The following SORCS2 variants were observed in gnomAD, a reference collection of about 807,000 sequenced individuals.
SORCS2 encodes the protein VPS10 domain-containing receptor SorCS2.
A neutral mutation model predicts 141.6 loss-of-function variants in SORCS2; 100 were observed. The ratio of observed to expected loss-of-function variants is 0.71; its 90% CI spans 0.60 to 0.83. The LOEUF (loss-of-function observed/expected upper bound fraction) is 0.83, where lower values mean the gene tolerates loss of function less well. Ranked by LOEUF, SORCS2 falls within the 40% of genes least tolerant of loss-of-function variation. The pLI is 0.00. For synonymous variants in SORCS2, 789 were observed against 676.9 expected, an observed-to-expected ratio of 1.17 and a Z score of -2.57; for missense variants, 1,646 against 1,560.2, an observed-to-expected ratio of 1.05 and a Z score of -0.93.
Position 7,664,603 on chromosome 4 carries a change from G to T in SORCS2, c.1071+132G>T. 1.5e-6 allele frequency: 1 copy of T among 659,940 alleles called. No individual in the cohort carries two copies. 40.9% of individuals were successfully genotyped at this position (659,940 alleles called of 1,614,324 possible). A position where few individuals can be genotyped will look rare whatever the true frequency, so the allele number is the denominator to read the frequency against. On this transcript the variant is annotated intron_variant, in intron 7 of 26. Transcript: ENST00000507866. This position sits in a 1 kb window ranked among gnomAD's most constrained non-coding sequence, Gnocchi z 4.7. ...TTTCACTCTCAAATGCTACTTCGCAGGTCACGGTTTCTGACCGTGGCTGTG... is the reference window on the plus strand; with the variant it reads ...TTTCACTCTCAAATGCTACTTCGCATGTCACGGTTTCTGACCGTGGCTGTG...
At chr4:7,529,518 A>G (rs956305903) in intron 2 of SORCS2, among the ~76,000 whole-genome samples, 5 of 152,004 alleles carry the variant, frequency 3.3e-5, no homozygotes, top group African/African-American at 1.2e-4. Flanking sequence ...CAGGGCGGGG[A>G]GCAGGACTGA....
chr4:7,476,253 A>T (rs1388189621), intron 2 of SORCS2, among the ~76,000 whole-genome samples: 1 of 152,208 alleles, frequency 6.6e-6, no homozygotes, highest in Non-Finnish European at 1.5e-5. Flanking sequence ...ACATAGACAC[A>T]GATTGATACA....
intron 11 of SORCS2, among the ~76,000 whole-genome samples, chr4:7,690,925 G>A (rs535243674): frequency 6.6e-6 from 1 of 152,302 alleles, no homozygotes; most frequent in Admixed American, 6.5e-5. Flanking sequence ...ACCATAAAAT[G>A]AGGTTGATTT....
intron 3 of SORCS2, among the ~76,000 whole-genome samples, chr4:7,556,283 A>G (rs905893363): frequency 2.0e-5 from 3 of 152,048 alleles, no homozygotes; most frequent in Non-Finnish European, 4.4e-5. Context: ...GAGGACCCAT[A>G]ATGAGTTTCC....
chr4:7,538,187 C>T (rs1282585974), intron 3 of SORCS2, among the ~76,000 whole-genome samples: 1 of 152,232 alleles, frequency 6.6e-6, no homozygotes, highest in African/African-American at 2.4e-5. Flanking sequence ...GCAACAATTA[C>T]AGGCCGAGCA....
intron 1 of SORCS2, among the ~76,000 whole-genome samples, chr4:7,387,994 G>A (rs1291072895): frequency 4.3e-5 from 3 of 69,728 alleles, no homozygotes; most frequent in African/African-American, 1.4e-4. Context: ...ATGCACACAT[G>A]CACACACATG....
At chr4:7,486,689 G>A (rs1731010154) in intron 2 of SORCS2, among the ~76,000 whole-genome samples, 2 of 152,140 alleles carry the variant, frequency 1.3e-5, no homozygotes, top group South Asian at 4.1e-4. Context: ...GCTCCCCCTG[G>A]AGCCTCCAAA....
chr4:7,200,059 C>T (rs1727404509), intron 1 of SORCS2, among the ~76,000 whole-genome samples: 2 of 152,148 alleles, frequency 1.3e-5, no homozygotes, highest in African/African-American at 4.8e-5. Context: ...GCCCCGCGTG[C>T]AGGGCAGCAG....
At chr4:7,605,756 C>T (rs1005086295) in intron 3 of SORCS2, among the ~76,000 whole-genome samples, 1 of 152,098 alleles carries the variant, frequency 6.6e-6, no homozygotes, top group Admixed American at 6.6e-5. Context: ...CCCACACATT[C>T]ATCACATACC....
At chr4:7,693,672 A>G (rs1341056716) in intron 11 of SORCS2, among the ~76,000 whole-genome samples, 1 of 152,224 alleles carries the variant, frequency 6.6e-6, no homozygotes, top group South Asian at 2.1e-4. Context: ...TTTAGCCAAG[A>G]AAAGCTTGAG....
intron 1 of SORCS2, among the ~76,000 whole-genome samples, chr4:7,278,009 G>T (rs1288098773): frequency 3.3e-5 from 5 of 152,146 alleles, no homozygotes; most frequent in African/African-American, 1.2e-4. Context: ...ATTGGTAGTG[G>T]GCCTGATCAT....
At chr4:7,430,727 T>C (rs1242930451) in intron 2 of SORCS2, 1 of 152,284 alleles carries the variant, frequency 6.6e-6, no homozygotes, top group Admixed American at 6.5e-5. Context: ...TCTCCCAAAC[T>C]TCTAGGCCCA....
Position 7,434,213 on chromosome 4 carries a change from G to A in SORCS2, c.548+37858G>A, listed in dbSNP as rs918002611. 3 of 1,613,752 alleles carry A rather than the reference G, an allele frequency of 1.9e-6. No homozygotes were observed. The highest frequency in any genetic ancestry group is 2.2e-5 in the East Asian group (1 of 44,890). ...AACTGGAAGAGGTAGTTCTTGCAGA[G>A]GACGGCCAGGCCAGGCCCCAAGGAC... On this transcript the variant is annotated intron_variant, in intron 2 of 26. Coordinates refer to ENST00000507866, the MANE Select transcript of SORCS2 (RefSeq NM_020777.3).
intron 1 of SORCS2, among the ~76,000 whole-genome samples, chr4:7,289,958 T>G (rs1165558632): frequency 6.6e-6 from 1 of 152,126 alleles, no homozygotes; most frequent in Non-Finnish European, 1.5e-5. Context: ...AGAGTCCCCT[T>G]CCGATTGCCT....
intron 6 of SORCS2, among the ~76,000 whole-genome samples, chr4:7,661,994 T>A (rs1282685536): frequency 1.3e-5 from 2 of 152,114 alleles, no homozygotes; most frequent in Non-Finnish European, 2.9e-5. Context: ...AGAGACATCC[T>A]CTGTGCAGGA....
intron 3 of SORCS2, among the ~76,000 whole-genome samples, chr4:7,557,616 A>G (rs1027206392): frequency 3.9e-5 from 6 of 152,348 alleles, no homozygotes; most frequent in African/African-American, 9.6e-5. Context: ...TCATCCAATG[A>G]GTTTTTACCC....
intron 1 of SORCS2, among the ~76,000 whole-genome samples, chr4:7,261,167 T>A (rs531871350): frequency 5.9e-5 from 9 of 152,328 alleles, no homozygotes; most frequent in African/African-American, 2.2e-4. Flanking sequence ...TATGACCTTG[T>A]ATAATTGGCA....
intron 3 of SORCS2, among the ~76,000 whole-genome samples, chr4:7,597,251 C>T (rs533397500): frequency 5.0e-5 from 7 of 139,018 alleles, no homozygotes; most frequent in African/African-American, 1.6e-4. Flanking sequence ...GGAGGCTACG[C>T]AATAGGGGGA....
intron 2 of SORCS2, among the ~76,000 whole-genome samples, chr4:7,457,155 C>T (rs1728965840): frequency 6.6e-6 from 1 of 152,190 alleles, no homozygotes; most frequent in South Asian, 2.1e-4. Flanking sequence ...CACACGACAG[C>T]CCCCGGACAG....
Sources: gnomAD v4.1 joint callset for allele counts (sites outside exome capture counted in the v4.1 genomes callset) on GRCh38, gnomAD v4.1.1 for gene constraint, Gnocchi (gnomAD v3.1) non-coding constraint, MANE v1.5 for transcripts, NCBI Gene and HGNC (gene_info 2026-07-23, HGNC 2026-07-21) for gene names.